The following BAG6 variants were observed in gnomAD, a reference collection of about 807,000 sequenced individuals.
BAG6 encodes BAG cochaperone 6, also known as large proline-rich protein BAG6.
BAG6 carries 22 observed loss-of-function variants against 121.0 expected under a neutral mutation model. The observed-to-expected ratio is 0.18, with a 90% CI of 0.13 to 0.26. The LOEUF (loss-of-function observed/expected upper bound fraction) is 0.26, where lower values mean the gene tolerates loss of function less well. BAG6 is among the 10% of genes least tolerant of loss of function. The probability of loss-of-function intolerance (pLI) is 1.00; values close to 1 mark genes in which losing one functional copy is unlikely to be tolerated. For missense variants in BAG6, 1,233 were observed against 1,537.7 expected, an observed-to-expected ratio of 0.80 and a Z score of 3.31; for synonymous variants, 583 against 584.6, an observed-to-expected ratio of 1.00 and a Z score of 0.04.
At chr6:31,650,833 G>A (rs917797413) in intron 2 of BAG6, among the ~76,000 whole-genome samples, 2 of 152,090 alleles carry the variant, frequency 1.3e-5, no homozygotes, top group African/African-American at 4.8e-5. Context: ...CATGCAATTT[G>A]TCTCCAAGTA....
In BAG6 at chr6:31,645,439, T is replaced by C. The variant is rs1280373442; in HGVS notation, c.1084A>G (p.Met362Val). The stretch of plus-strand genomic sequence containing the variant: ...GGAATGGCTGCCTGCTGGAGCACCA[T>C]GGGGGTGGTGTAGTGAGACATAGGC... The part of the protein sequence containing the change: ...VRPMSHYTTP[M>V]VLQQAAIPIQ... The change falls in exon 9 of 26, where the codon ATG becomes GTG. Residue 362 changes from methionine (M) to valine (V), a missense_variant. Transcript: ENST00000676615. 2.5e-6 allele frequency: 4 copies of C among 1,612,740 alleles called. No individual in the cohort carries two copies. Among genetic ancestry groups the C allele is most frequent in the Non-Finnish European group, 3.4e-6 (4 of 1,179,984 alleles).
At chr6:31,649,969 T>C (rs1227394379) in intron 2 of BAG6, among the ~76,000 whole-genome samples, 1 of 151,782 alleles carries the variant, frequency 6.6e-6, no homozygotes, top group Admixed American at 6.6e-5. Flanking sequence ...CCAGGCATGG[T>C]GGTCGCCTGT....
In BAG6 at chr6:31,644,886, C is replaced by G; in HGVS notation, c.1369+60G>C. The G allele has an allele frequency of 6.5e-7, 1 of 1,539,170 alleles. No individual in the cohort carries two copies. Among genetic ancestry groups the G allele is most frequent in the Non-Finnish European group, 8.7e-7 (1 of 1,143,218 alleles). On this transcript the variant is annotated intron_variant, in intron 10 of 25. Coordinates refer to ENST00000676615, the MANE Select transcript of BAG6 (RefSeq NM_001387994.1). This position sits in a 1 kb window ranked among gnomAD's most constrained non-coding sequence, Gnocchi z 4.9. ...CCTTCCCCACCCTGTTCCCTCACAC[C>G]TCAGCATGAACCTCCCTCATCATGC...
intron 2 of BAG6, among the ~76,000 whole-genome samples, chr6:31,650,180 A>AC (rs1451519548): frequency 2.9e-4 from 44 of 151,680 alleles, no homozygotes; most frequent in African/African-American, 8.2e-4. Flanking sequence ...CAAAAAAAAA[A>AC]CACATGGACA....
intron 2 of BAG6, among the ~76,000 whole-genome samples, chr6:31,650,820 C>T (rs966644108): frequency 6.6e-6 from 1 of 152,138 alleles, no homozygotes; most frequent in Non-Finnish European, 1.5e-5. Flanking sequence ...ATGGACCACC[C>T]CACATGCAAT....
Position 31,643,873 on chromosome 6 carries a change from G to A in BAG6, c.1756+17C>T. The A allele has an allele frequency of 6.2e-7, 1 of 1,611,242 alleles. No homozygotes were observed. The highest frequency in any genetic ancestry group is 8.5e-7 in the Non-Finnish European group (1 of 1,179,208). On this transcript the variant is annotated intron_variant, in intron 14 of 25. Transcript: ENST00000676615. ...GAAAGGAGTTTAAACTCTGAGTGGG[G>A]AAGAATGAAAACTCACCCACAAGGA...
chr6:31,643,826 A>G, intron 14 of BAG6, 64 bp downstream of exon 14: 1 of 1,529,238 alleles, frequency 6.5e-7, no homozygotes, highest in Non-Finnish European at 9.0e-7. Context: ...AAAGAACTGG[A>G]AAGTGCCAGT....
In BAG6 at chr6:31,643,127, CA is replaced by C; in HGVS notation, c.1757-13del. The C allele has an allele frequency of 1.3e-6, 2 of 1,543,558 alleles. No homozygotes were observed. The highest frequency in any genetic ancestry group is 1.2e-5 in the South Asian group (1 of 82,922). On this transcript the variant is annotated splice_polypyrimidine_tract_variant and intron_variant, in intron 14 of 25. Coordinates refer to ENST00000676615, the MANE Select transcript of BAG6 (RefSeq NM_001387994.1). ...TGGGGTCCCCTGAGCTGTAAGAAAC[CA>C]AAAAAAGAAAGCTGGGCTGAGCATG... is the stretch of plus-strand genomic sequence containing the variant.
At chr6:31,649,648 C>A (rs772450495) in intron 2 of BAG6, 21 bp from the exon 3 acceptor site, 5 of 1,598,634 alleles carry the variant, frequency 3.1e-6, no homozygotes, top group Non-Finnish European at 4.3e-6. Context: ...GAGGCATGCA[C>A]AGGAATGGAA....
chr6:31,641,177 T>C lies in BAG6; in HGVS notation c.2714A>G (p.Glu905Gly). ...LLELCNQGLFECLALNLHCLG... is the reference protein window; with the variant it reads ...LLELCNQGLFGCLALNLHCLG... Reference sequence around the variant, plus strand: ...GCAGTGCAGGTTTAGGGCCAGGCATTCAAACAGGCCTTGGTTACACAACTC... The same window carrying C: ...GCAGTGCAGGTTTAGGGCCAGGCATCCAAACAGGCCTTGGTTACACAACTC... The change falls in exon 20 of 26, where the codon GAA (glutamate) becomes GGA (glycine). Residue 905 changes from glutamate to glycine, a missense_variant. Physicochemically the swap from Glu to Gly is moderately conservative, Grantham distance 98. Transcript: ENST00000676615. This position sits in a 1 kb window ranked among gnomAD's most constrained non-coding sequence, Gnocchi z 5.7. 1 of 1,613,696 alleles carries C rather than the reference T, an allele frequency of 6.2e-7. No homozygotes were observed. The highest frequency in any genetic ancestry group is 8.5e-7 in the Non-Finnish European group (1 of 1,180,016).
Position 31,649,574 on chromosome 6 carries a change from A to C in BAG6, c.162T>G (p.Ser54=). The C allele has an allele frequency of 1.9e-6, 3 of 1,614,204 alleles. No homozygotes were observed. Among genetic ancestry groups the C allele is most frequent in the Non-Finnish European group, 2.5e-6 (3 of 1,180,046 alleles). The change falls in exon 3 of 26, where the codon TCT becomes TCG. Residue 54 remains serine, a synonymous_variant. Transcript: ENST00000676615. ...EHIAASVSIP[S]EKQRLIYQGR... ...CCTGGTAAATGAGCCGTTGTTTTTC[A>C]GATGGGATGCTGACAGAGGCAGCAA...
Position 31,649,360 on chromosome 6 carries a change from C to T in BAG6, c.262G>A (p.Ala88Thr). 6.2e-7 allele frequency: 1 copy of T among 1,609,486 alleles called. No homozygotes were observed. The highest frequency in any genetic ancestry group is 8.5e-7 in the Non-Finnish European group (1 of 1,177,970). Residue 88 changes from alanine to threonine, a missense_variant, in exon 4 of 26, where the codon GCT (alanine) becomes ACT (threonine). Physicochemically the swap from Ala to Thr is moderately conservative, Grantham distance 58. Around this residue, in one of 7 missense-constraint regions of BAG6, gnomAD observed 777 missense variants for 861.4 expected, o/e 0.90. Transcript: ENST00000676615. ...GAAGGGAGGTGAGTCTGAGGAGGAG[C>T]CCGTTCCACCAGGTGGATAACCTTT... Reference protein sequence around the residue: ...GGKVIHLVERAPPQTHLPSGA... With the variant: ...GGKVIHLVERTPPQTHLPSGA...
Position 31,641,649 on chromosome 6 carries a change from C to T in BAG6, c.2506-57G>A. ...AGCCTCAGTCCTCCCAAGACTTCCA[C>T]CTCGACCCCAACAAGTCCAGGGCTT... On this transcript the variant is annotated intron_variant, in intron 17 of 25. Transcript: ENST00000676615. The surrounding 1 kb of genome is among the most constrained non-coding windows in gnomAD (Gnocchi z 5.7). 3 of 1,613,160 alleles carry T rather than the reference C, an allele frequency of 1.9e-6. No homozygotes were observed. In the South Asian group the frequency reaches 3.3e-5, roughly 18 times the overall value.
At chr6:31,643,792 A>G (rs1328315505) in intron 14 of BAG6, 98 bp downstream of exon 14, 5 of 1,174,664 alleles carry the variant, frequency 4.3e-6, no homozygotes, top group Non-Finnish European at 6.0e-6. Context: ...CCATTCCAGG[A>G]AAGCAGGAAC....
Position 31,640,078 on chromosome 6 carries a change from C to T in BAG6, c.3246+121G>A. On this transcript the variant is annotated intron_variant, in intron 24 of 25. Transcript: ENST00000676615. The surrounding 1 kb of genome is among the most constrained non-coding windows in gnomAD (Gnocchi z 4.2). ...GTCTGAATCCCAGAAAAAGTTTCCTCATTAAACGAGGGGAGGGGAGACTGA... is the reference window on the plus strand; with the variant it reads ...GTCTGAATCCCAGAAAAAGTTTCCTTATTAAACGAGGGGAGGGGAGACTGA... The T allele has an allele frequency of 6.0e-6, 6 of 1,001,468 alleles. No individual in the cohort carries two copies. In the South Asian group the frequency reaches 7.6e-5, roughly 13 times the overall value. 62.0% of individuals were successfully genotyped at this position (1,001,468 alleles called of 1,614,324 possible).
chr6:31,650,378 A>C (rs1215127048), intron 2 of BAG6, among the ~76,000 whole-genome samples: 1 of 151,708 alleles, frequency 6.6e-6, no homozygotes, highest in South Asian at 2.1e-4. Context: ...AAAGCAAAAA[A>C]GGTCCCAGCA....
At position 31,640,533 on chromosome 6, in the gene BAG6, G is replaced by A. The variant is rs943874829; in HGVS notation, c.2995-5C>T. 9 of 1,612,806 alleles carry A rather than the reference G, an allele frequency of 5.6e-6. No individual in the cohort carries two copies. The highest frequency in any genetic ancestry group is 7.6e-6 in the Non-Finnish European group (9 of 1,179,956). ...GGCTGGGGAAGCATTCTCCCGCTGG[G>A]TGTCAGATGGCGGGAAGAGCCAGGC... On this transcript the variant is annotated splice_polypyrimidine_tract_variant and splice_region_variant and intron_variant, in intron 22 of 25. Coordinates refer to ENST00000676615, the MANE Select transcript of BAG6 (RefSeq NM_001387994.1). This position sits in a 1 kb window ranked among gnomAD's most constrained non-coding sequence, Gnocchi z 4.2.
At position 31,649,270 on chromosome 6, in the gene BAG6, G is replaced by A. The variant is rs763485778; in HGVS notation, c.352C>T (p.Arg118Trp). The A allele has an allele frequency of 8.7e-6, 14 of 1,612,946 alleles. No homozygotes were observed. The highest frequency in any genetic ancestry group is 2.2e-5 in the East Asian group (1 of 44,898). The change falls in exon 4 of 26, where the codon CGG becomes TGG. Residue 118 changes from arginine (R) to tryptophan (W), a missense_variant. Arg to Trp is a moderately radical substitution (Grantham distance 101). Around this residue, in one of 7 missense-constraint regions of BAG6, gnomAD observed 777 missense variants for 861.4 expected, o/e 0.90. Coordinates refer to ENST00000676615, the MANE Select transcript of BAG6 (RefSeq NM_001387994.1). The stretch of plus-strand genomic sequence containing the variant: ...TCATGAACAGAGGCCCCAGGCCCCC[G>A]AGTACCAGGGGGGGATCCCCCACCA... ...THGGGSPPGT[R>W]GPGASVHDRN...
rs1290928044 is a variant in BAG6, at chr6:31,641,476, G to GTGGCAGCTCCCT, written c.2560-55_2560-54insAGGGAGCTGCCA. 6.2e-7 allele frequency: 1 copy of GTGGCAGCTCCCT among 1,613,710 alleles called. No individual in the cohort carries two copies. The highest frequency in any genetic ancestry group is 1.3e-5 in the African/African-American group (1 of 74,940). Reference sequence around the variant, plus strand: ...AAAATCAAGAATCATAAGACTGGGAGTGGAGGAGGCAGCTGCCTTGACCAG... The same window carrying GTGGCAGCTCCCT: ...AAAATCAAGAATCATAAGACTGGGAGTGGCAGCTCCCTTGGAGGAGGCAGCTGCCTTGACCAG... On this transcript the variant is annotated intron_variant, in intron 18 of 25. Coordinates refer to ENST00000676615, the MANE Select transcript of BAG6 (RefSeq NM_001387994.1). This position sits in a 1 kb window ranked among gnomAD's most constrained non-coding sequence, Gnocchi z 5.7.
Sources: allele counts gnomAD v4.1 joint callset (sites outside exome capture counted in the v4.1 genomes callset), GRCh38; gene constraint gnomAD v4.1.1; regional missense constraint gnomAD v4.1.1; non-coding constraint Gnocchi (gnomAD v3.1); transcripts MANE v1.5; gene names NCBI Gene and HGNC (gene_info 2026-07-23, HGNC 2026-07-21).